CYTH1: variants seen among roughly 807,000 people sequenced by gnomAD.
CYTH1 encodes cytohesin-1.
A neutral mutation model predicts 61.8 loss-of-function variants in CYTH1; 18 were observed. The observed-to-expected ratio is 0.29, with a 90% CI of 0.20 to 0.43. The LOEUF (loss-of-function observed/expected upper bound fraction) is 0.43. Ranked by LOEUF, CYTH1 falls within the 20% of genes least tolerant of loss-of-function variation. The pLI, the probability that CYTH1 is intolerant of heterozygous loss-of-function variation, is 1.00. For missense variants in CYTH1, 336 were observed against 510.5 expected (o/e 0.66, Z 3.29); for synonymous variants, 174 against 184.3 (o/e 0.94, Z 0.45).
intron 1 of CYTH1, among the ~76,000 whole-genome samples, chr17:78,736,417 T>C (rs990328708): frequency 4.0e-5 from 6 of 151,858 alleles, no homozygotes; most frequent in African/African-American, 1.5e-4. Context: ...TCTTTCTCTC[T>C]CTCTCCTCTC....
At position 78,708,268 on chromosome 17, in the gene CYTH1, AACAG is replaced by A; in HGVS notation, c.106-11_106-8del. On this transcript the variant is annotated splice_polypyrimidine_tract_variant and splice_region_variant and intron_variant, in intron 2 of 13. Transcript: ENST00000446868. ...CTATCTCATCCTTCAGCCTCTATAA[AACAG>A]ACAGTCCAGAGTCAGCAGGAAAGGC... is the stretch of plus-strand genomic sequence containing the variant. The A allele has an allele frequency of 6.2e-7, 1 of 1,611,514 alleles. No homozygotes were observed. The highest frequency in any genetic ancestry group is 8.5e-7 in the Non-Finnish European group (1 of 1,179,254).
chr17:78,687,992 T>G (rs2144115238), intron 11 of CYTH1, among the ~76,000 whole-genome samples: 1 of 152,330 alleles, frequency 6.6e-6, no homozygotes, highest in South Asian at 2.1e-4. Context: ...CTCCGAGGGC[T>G]GCATGAACAG....
chr17:78,695,921 A>C, intron 10 of CYTH1, 86 bp downstream of exon 10: 1 of 1,360,560 alleles, frequency 7.3e-7, no homozygotes, highest in Admixed American at 2.0e-5. Context: ...TTAAAAAACA[A>C]AATAACCAAA....
Position 78,700,234 on chromosome 17 carries a change from T to G in CYTH1, c.550+97A>C. ...ATCATTGAGTAAACGTTCCTAGGCA[T>G]GAATCTCAGCCCTTTTGTTTTAGAA... On this transcript the variant is annotated intron_variant, in intron 7 of 13. Coordinates refer to ENST00000446868, the MANE Select transcript of CYTH1 (RefSeq NM_004762.6). The surrounding 1 kb of genome is among the most constrained non-coding windows in gnomAD (Gnocchi z 5.1). The G allele has an allele frequency of 9.4e-7, 1 of 1,058,690 alleles. No homozygotes were observed. The highest frequency in any genetic ancestry group is 1.3e-6 in the Non-Finnish European group (1 of 746,094). 65.6% of individuals were successfully genotyped at this position (1,058,690 alleles called of 1,614,324 possible). A position where few individuals can be genotyped will look rare whatever the true frequency, so the allele number is the denominator to read the frequency against.
chr17:78,726,443 A>G (rs73389830), intron 1 of CYTH1, among the ~76,000 whole-genome samples: 8,023 of 152,234 alleles, frequency 0.053, 384 homozygotes, highest in South Asian at 0.15. Context: ...CAATGCTGAA[A>G]AGACATGGTT....
intron 1 of CYTH1, among the ~76,000 whole-genome samples, chr17:78,775,638 G>A (rs914993621): frequency 2.0e-5 from 3 of 152,026 alleles, no homozygotes; most frequent in African/African-American, 7.3e-5. Context: ...TACATCAAAG[G>A]CAAATAAAAA....
intron 1 of CYTH1, among the ~76,000 whole-genome samples, chr17:78,760,287 CAAG>C (rs2093416538): frequency 6.8e-6 from 1 of 147,398 alleles, no homozygotes; most frequent in African/African-American, 2.5e-5. Flanking sequence ...GCTAAAAACT[CAAG>C]AAACACTGAA....
chr17:78,719,885 C>A (rs2093213545), intron 1 of CYTH1, among the ~76,000 whole-genome samples: 1 of 152,210 alleles, frequency 6.6e-6, no homozygotes, highest in Admixed American at 6.5e-5. Context: ...GTTTCCCACT[C>A]ACTGAGTCAG....
chr17:78,690,918 C>A (rs1042792800), intron 11 of CYTH1, among the ~76,000 whole-genome samples: 1 of 151,782 alleles, frequency 6.6e-6, no homozygotes, highest in South Asian at 2.1e-4. Context: ...CAGAAAATAG[C>A]GAGACAAATT....
At chr17:78,760,388 C>T (rs796501030) in intron 1 of CYTH1, among the ~76,000 whole-genome samples, 2,949 of 44,498 alleles carry the variant, frequency 0.066, 315 homozygotes, top group East Asian at 0.092. Flanking sequence ...TATATATACA[C>T]ACACATACAT....
At position 78,737,956 on chromosome 17, in the gene CYTH1, G is replaced by T. The variant is rs1310027440; in HGVS notation, c.23-28224C>A. Among the ~76,000 whole-genome samples, 8 of 151,744 alleles carry T rather than the reference G, an allele frequency of 5.3e-5. No homozygotes were observed. In the East Asian group the frequency reaches 1.4e-3, roughly 26 times the overall value. On this transcript the variant is annotated intron_variant, in intron 1 of 13. Coordinates refer to ENST00000446868, the MANE Select transcript of CYTH1 (RefSeq NM_004762.6). ...ATTTTTACTTATAACATTTTTTCAT[G>T]ACTGTAAATGGACATCTATCACATT...
intron 1 of CYTH1, among the ~76,000 whole-genome samples, chr17:78,760,944 T>C (rs1355059157): frequency 6.6e-6 from 1 of 152,102 alleles, no homozygotes; most frequent in African/African-American, 2.4e-5. Context: ...CAAGTGATTC[T>C]CCTGCCTCAG....
At chr17:78,768,493 GAA>G (rs1567884193) in intron 1 of CYTH1, among the ~76,000 whole-genome samples, 1 of 152,144 alleles carries the variant, frequency 6.6e-6, no homozygotes, top group East Asian at 1.9e-4. Flanking sequence ...TCTCAGTATG[GAA>G]ACTCTCCAAG....
chr17:78,764,454 C>A (rs946911269), intron 1 of CYTH1, among the ~76,000 whole-genome samples: 18 of 152,026 alleles, frequency 1.2e-4, no homozygotes, highest in Admixed American at 3.3e-4. Context: ...AGCCACCGCG[C>A]CCGGCCTAAA....
intron 1 of CYTH1, among the ~76,000 whole-genome samples, chr17:78,772,961 C>T (rs1434374466): frequency 6.6e-6 from 1 of 152,110 alleles, no homozygotes; most frequent in Admixed American, 6.6e-5. Flanking sequence ...TCTTGAGTAG[C>T]TGGGATCACA....
intron 9 of CYTH1, among the ~76,000 whole-genome samples, chr17:78,697,614 G>GAA (rs397968699): frequency 1.1e-4 from 15 of 142,442 alleles, no homozygotes; most frequent in African/African-American, 3.9e-4. Context: ...AAAAAAAAAA[G>GAA]AAAAAAAAAA....
At chr17:78,686,607 G>A (rs185590129) in intron 11 of CYTH1, among the ~76,000 whole-genome samples, 41 of 152,130 alleles carry the variant, frequency 2.7e-4, no homozygotes, top group African/African-American at 8.4e-4. Context: ...CTTTCCTCTC[G>A]GATTGTAAGT....
chr17:78,751,956 G>A (rs945576106), intron 1 of CYTH1, among the ~76,000 whole-genome samples: 5 of 152,068 alleles, frequency 3.3e-5, no homozygotes, highest in East Asian at 3.9e-4. Context: ...GGCTGGTTTC[G>A]AAACCCTGAC....
At chr17:78,771,729 T>TAAAA (rs752607880) in intron 1 of CYTH1, among the ~76,000 whole-genome samples, 3 of 117,814 alleles carry the variant, frequency 2.5e-5, no homozygotes, top group Non-Finnish European at 5.4e-5. Flanking sequence ...GATTCCATCT[T>TAAAA]AAAAAAAAAA....
Sources: gnomAD v4.1 joint callset for allele counts (sites outside exome capture counted in the v4.1 genomes callset) on GRCh38, gnomAD v4.1.1 for gene constraint, Gnocchi (gnomAD v3.1) non-coding constraint, MANE v1.5 for transcripts, NCBI Gene and HGNC (gene_info 2026-07-23, HGNC 2026-07-21) for gene names.